Variants in PGPEP1L observed in about 807,000 individuals in gnomAD.
PGPEP1L encodes pyroglutamyl-peptidase I like, also known as pyroglutamyl-peptidase 1-like protein.
In PGPEP1L, 7 loss-of-function variants were observed where a neutral mutation model predicts 6.0. The ratio of observed to expected loss-of-function variants is 1.17; its 90% CI spans 0.66 to 2.19. The LOEUF (loss-of-function observed/expected upper bound fraction) is 2.19, where lower values mean the gene tolerates loss of function less well. Among genes scored for constraint, PGPEP1L ranks in the 30% most tolerant of loss-of-function variants. PGPEP1L has a pLI of 0.00. For synonymous variants in PGPEP1L, 103 were observed against 83.9 expected, an observed-to-expected ratio of 1.23 and a Z score of -1.24; for missense variants, 209 against 192.5, an observed-to-expected ratio of 1.09 and a Z score of -0.51.
At chr15:98,969,794 A>AT in intron 3 of PGPEP1L, 143 bp from the exon 4 acceptor site, 5 of 754,732 alleles carry the variant, frequency 6.6e-6, no homozygotes, top group Non-Finnish European at 1.1e-5. Flanking sequence ...AAACCCCAGG[A>AT]TCCCCCACCA....
chr15:99,004,578 C>T (rs1218169053), intron 2 of PGPEP1L, among the ~76,000 whole-genome samples: 11 of 150,950 alleles, frequency 7.3e-5, no homozygotes, highest in Non-Finnish European at 1.2e-4. Flanking sequence ...ATTAGCTGGG[C>T]GTGGTGGTGC....
chr15:98,997,118 A>G (rs2017898958), intron 2 of PGPEP1L, among the ~76,000 whole-genome samples: 1 of 152,140 alleles, frequency 6.6e-6, no homozygotes, highest in African/African-American at 2.4e-5. Context: ...ATTTGGCAAA[A>G]AAGGTCCTGT....
At chr15:99,003,016 C>T (rs182770174) in intron 2 of PGPEP1L, among the ~76,000 whole-genome samples, 1 of 152,192 alleles carries the variant, frequency 6.6e-6, no homozygotes, top group Admixed American at 6.5e-5. Context: ...TGGGTCTAGA[C>T]CCACAAACAG....
chr15:98,996,153 T>C (rs1455519830), intron 2 of PGPEP1L, among the ~76,000 whole-genome samples: 5 of 152,250 alleles, frequency 3.3e-5, no homozygotes, highest in Non-Finnish European at 7.3e-5. Context: ...GTAGCTGAAG[T>C]CCTTGAGCTT....
At chr15:98,981,201 A>C (rs2017653387) in intron 2 of PGPEP1L, among the ~76,000 whole-genome samples, 1 of 152,044 alleles carries the variant, frequency 6.6e-6, no homozygotes, top group African/African-American at 2.4e-5. Flanking sequence ...ATCAAAAACT[A>C]GGAAAGTCTG....
At chr15:98,993,372 A>G (rs2017843758) in intron 2 of PGPEP1L, among the ~76,000 whole-genome samples, 1 of 152,246 alleles carries the variant, frequency 6.6e-6, no homozygotes, top group African/African-American at 2.4e-5. Flanking sequence ...GTCATTAGAG[A>G]AATGCACATC....
intron 2 of PGPEP1L, among the ~76,000 whole-genome samples, chr15:99,001,981 T>C (rs748640571): frequency 6.6e-6 from 1 of 152,170 alleles, no homozygotes; most frequent in South Asian, 2.1e-4. Flanking sequence ...CTTCTCAAAG[T>C]GCTGGGATTA....
intron 4 of PGPEP1L, 55 bp downstream of exon 4, chr15:98,969,370 G>C: frequency 1.9e-6 from 3 of 1,601,656 alleles, no homozygotes; most frequent in Non-Finnish European, 2.6e-6. Flanking sequence ...GGGGGACGCT[G>C]ACGGCCATTG....
At chr15:99,003,360 ACT>A (rs1555473289) in intron 2 of PGPEP1L, among the ~76,000 whole-genome samples, 1 of 151,316 alleles carries the variant, frequency 6.6e-6, no homozygotes, top group African/African-American at 2.4e-5. Context: ...AGAAAAATCA[ACT>A]CTGCAAGTGA....
At chr15:98,984,026 T>A (rs966771752) in intron 2 of PGPEP1L, among the ~76,000 whole-genome samples, 28 of 148,454 alleles carry the variant, frequency 1.9e-4, no homozygotes, top group Non-Finnish European at 3.3e-4. Context: ...TTTTTTTTTT[T>A]TTTTTTTCTA....
At chr15:98,977,015 AAAAAAAAC>A (rs1254361946) in intron 2 of PGPEP1L, among the ~76,000 whole-genome samples, 2 of 151,960 alleles carry the variant, frequency 1.3e-5, no homozygotes, top group Non-Finnish European at 2.9e-5. Context: ...AAAAAAAAAA[AAAAAAAAC>A]AAGTCTGTAG....
chr15:98,979,489 G>A lies in PGPEP1L; in HGVS notation c.-141-8331C>T, dbSNP rs997035741. ...AAGTGCCCAACAATTTGCAATTGCA[G>A]AAATGTGAAACCAGCCCAAATTCCC... On this transcript the variant is annotated intron_variant, in intron 2 of 4. Coordinates refer to ENST00000535714, the MANE Select transcript of PGPEP1L (RefSeq NM_001167902.2). Among the ~76,000 whole-genome samples the A allele has an allele frequency of 3.9e-5, 6 of 152,164 alleles. No individual in the cohort carries two copies. In the South Asian group the frequency reaches 1.2e-3, roughly 32 times the overall value.
chr15:98,977,731 T>C (rs2017590998), intron 2 of PGPEP1L, among the ~76,000 whole-genome samples: 1 of 152,250 alleles, frequency 6.6e-6, no homozygotes, highest in African/African-American at 2.4e-5. Flanking sequence ...GTATCCTTTT[T>C]GGTCTATGTG....
At chr15:98,979,560 G>A (rs1008020836) in intron 2 of PGPEP1L, among the ~76,000 whole-genome samples, 1 of 150,676 alleles carries the variant, frequency 6.6e-6, no homozygotes, top group South Asian at 2.1e-4. Flanking sequence ...TAGATAGGAT[G>A]GAATACTACT....
rs138993514 is a variant in PGPEP1L, at chr15:98,998,799, G to A, written c.-142+6630C>T. 1.1e-3 allele frequency among the ~76,000 whole-genome samples: 162 copies of A among 152,264 alleles called. 4 individuals carry two copies. The East Asian group carries it at 0.027, about 26-fold the overall frequency. ...TCGAGACCAGCCTGGCCAACATGGC[G>A]AAACCCCGTCTCTACTAAATATACA... is the stretch of plus-strand genomic sequence containing the variant. On this transcript the variant is annotated intron_variant, in intron 2 of 4. Transcript: ENST00000535714.
rs1361768360 is a variant in PGPEP1L at position 99,007,536 on chromosome 15, C to T, written c.-547G>A. On this transcript the variant is annotated 5_prime_UTR_variant, in exon 1 of 5. Transcript: ENST00000535714. ...CTTCCTTCTGGCAGATTCGTGATCT[C>T]GCTGACTTCAGGAGTGAAGCTACGG... is the stretch of plus-strand genomic sequence containing the variant. The T allele has an allele frequency of 6.6e-6, 1 of 152,148 alleles. No homozygotes were observed. Among genetic ancestry groups the T allele is most frequent in the East Asian group, 1.9e-4 (1 of 5,200 alleles). The allele number at this position is 152,148 out of a possible 1,614,324, so 9.4% of individuals were successfully genotyped here.
At chr15:98,974,596 T>C (rs573142236) in intron 2 of PGPEP1L, among the ~76,000 whole-genome samples, 1 of 151,908 alleles carries the variant, frequency 6.6e-6, no homozygotes, top group African/African-American at 2.4e-5. Flanking sequence ...TACTCAACTA[T>C]TCTAAAAAAT....
chr15:98,969,622 G>A lies in PGPEP1L; in HGVS notation c.12C>T (p.Ala4=), dbSNP rs764754739. Reference sequence around the variant, plus strand: ...ACTGTTCCAGAATGATCGCCTTGGCGGCGGTGTCCATGCCCACATGCACGA... The same window carrying A: ...ACTGTTCCAGAATGATCGCCTTGGCAGCGGTGTCCATGCCCACATGCACGA... MDT[A]AKAIILEQSG... The change falls in exon 4 of 5, where the codon GCC becomes GCT. Residue 4 remains alanine, a synonymous_variant. Coordinates refer to ENST00000535714, the MANE Select transcript of PGPEP1L (RefSeq NM_001167902.2). 87 of 1,612,678 alleles carry A rather than the reference G, an allele frequency of 5.4e-5. No homozygotes were observed. The South Asian group carries it at 7.0e-4, about 13-fold the overall frequency.
At chr15:98,982,486 C>T (rs1296415759) in intron 2 of PGPEP1L, among the ~76,000 whole-genome samples, 1 of 151,974 alleles carries the variant, frequency 6.6e-6, no homozygotes, top group Non-Finnish European at 1.5e-5. Flanking sequence ...GCTCACACTA[C>T]AGTCACCAGA....
Sources: allele counts gnomAD v4.1 joint callset (sites outside exome capture counted in the v4.1 genomes callset), GRCh38; gene constraint gnomAD v4.1.1; transcripts MANE v1.5; gene names NCBI Gene and HGNC (gene_info 2026-07-23, HGNC 2026-07-21).